The following HPS4 variants were observed in gnomAD, a reference collection of about 807,000 sequenced individuals.
HPS4 encodes HPS4 biogenesis of lysosomal organelles complex 3 subunit 2.
In HPS4, 44 loss-of-function variants were observed where a neutral mutation model predicts 70.3. The observed-to-expected ratio is 0.63, with a 90% CI of 0.49 to 0.80. The LOEUF is 0.80. HPS4 is among the 30% of genes least tolerant of loss of function. The probability of loss-of-function intolerance (pLI) is 0.00; values close to 1 mark genes in which losing one functional copy is unlikely to be tolerated. For synonymous variants in HPS4, 377 were observed against 355.9 expected, an observed-to-expected ratio of 1.06 and a Z score of -0.67; for missense variants, 873 against 884.4, an observed-to-expected ratio of 0.99 and a Z score of 0.16.
chr22:26,473,001 C>A, intron 4 of HPS4, 62 bp from the exon 5 acceptor site: 1 of 1,461,324 alleles, frequency 6.8e-7, no homozygotes, highest in Non-Finnish European at 9.6e-7. Flanking sequence ...AGCCCAGAAT[C>A]CTGGCATCCA....
chr22:26,455,617 G>GAT (rs1398430166), intron 13 of HPS4, among the ~76,000 whole-genome samples: 1 of 147,536 alleles, frequency 6.8e-6, no homozygotes, highest in African/African-American at 2.5e-5. Flanking sequence ...AGCATTAGGA[G>GAT]ATATACCTAA....
chr22:26,470,842 C>T, intron 6 of HPS4, 29 bp from the exon 7 acceptor site: 1 of 1,613,640 alleles, frequency 6.2e-7, no homozygotes, highest in Non-Finnish European at 8.5e-7. Flanking sequence ...ATCATGCCCA[C>T]CCATCAGCAT....
chr22:26,471,369 A>T lies in HPS4; in HGVS notation c.502-556T>A, dbSNP rs193179153. On this transcript the variant is annotated intron_variant, in intron 6 of 13. Coordinates refer to ENST00000398145, the MANE Select transcript of HPS4 (RefSeq NM_022081.6). ...CCTCAGTTCCACATTCCTTGTATGG[A>T]GTCAGGGGCCTAGAAGTCCCTAAAA... 4 of 456,248 alleles carry T rather than the reference A, an allele frequency of 8.8e-6. No homozygotes were observed. In the East Asian group the frequency reaches 2.1e-4, roughly 24 times the overall value. 28.3% of individuals were successfully genotyped at this position (456,248 alleles called of 1,614,324 possible). A position where few individuals can be genotyped will look rare whatever the true frequency, so the allele number is the denominator to read the frequency against.
intron 3 of HPS4, among the ~76,000 whole-genome samples, chr22:26,478,105 T>C (rs766532781): frequency 4.6e-5 from 7 of 152,198 alleles, no homozygotes; most frequent in Non-Finnish European, 8.8e-5. Context: ...CAGGTAATAT[T>C]AAGGAATTAC....
intron 5 of HPS4, 42 bp downstream of exon 5, chr22:26,472,790 T>C (rs912653154): frequency 7.0e-7 from 1 of 1,432,186 alleles, no homozygotes. Flanking sequence ...CCGGTTTTTA[T>C]AAAGAGGCCC....
intron 8 of HPS4, 66 bp from the exon 9 acceptor site, chr22:26,466,328 G>C (rs767449175): frequency 6.4e-7 from 1 of 1,567,738 alleles, no homozygotes; most frequent in Non-Finnish European, 8.8e-7. Flanking sequence ...TAACCATCAG[G>C]AATTTGCTGT....
chr22:26,466,035 A>G (rs1279405722), intron 9 of HPS4, 191 bp downstream of exon 9: 1 of 1,529,874 alleles, frequency 6.5e-7, no homozygotes, highest in East Asian at 2.5e-5. Context: ...CAGCATGCCT[A>G]AAATCATAGC....
chr22:26,480,265 A>G (rs1032958148), intron 2 of HPS4, among the ~76,000 whole-genome samples: 1 of 152,184 alleles, frequency 6.6e-6, no homozygotes, highest in Admixed American at 6.5e-5. Flanking sequence ...TCAATCTCCC[A>G]GGCTCAAGCC....
rs1484549067 is a variant in HPS4, at chr22:26,472,302, T to C, written c.501A>G (p.Lys167=). The C allele has an allele frequency of 1.9e-6, 3 of 1,558,264 alleles. No homozygotes were observed. The Admixed American group carries it at 5.0e-5, about 26-fold the overall frequency. The change falls in exon 6 of 14, where the codon AAA becomes AAG. Residue 167 remains lysine (K), a splice_region_variant and synonymous_variant. Coordinates refer to ENST00000398145, the MANE Select transcript of HPS4 (RefSeq NM_022081.6). ...FNSLWNLDQT[K]VEPLLLLKAA... Reference sequence around the variant, plus strand: ...TGAATAAGGAGGATGAAAATGTTACTTTAGTTTGGTCCAAGTTCCAGAGGG... The same window carrying C: ...TGAATAAGGAGGATGAAAATGTTACCTTAGTTTGGTCCAAGTTCCAGAGGG...
In HPS4 at chr22:26,464,121, G is replaced by A; in HGVS notation, c.1509C>T (p.Ala503=). Residue 503 remains alanine (A), a synonymous_variant, in exon 11 of 14, where the codon GCC becomes GCT. Transcript: ENST00000398145. ...DVDGVCESHA[A]PGLECSSGSA... Reference sequence around the variant, plus strand: ...AGCCTGAACTGCATTCCAGACCAGGGGCTGCGTGGCTTTCACAGACCCCAT... The same window carrying A: ...AGCCTGAACTGCATTCCAGACCAGGAGCTGCGTGGCTTTCACAGACCCCAT... 6.2e-7 allele frequency: 1 copy of A among 1,614,264 alleles called. No homozygotes were observed. Among genetic ancestry groups the A allele is most frequent in the Non-Finnish European group, 8.5e-7 (1 of 1,180,048 alleles).
chr22:26,464,142 C>G lies in HPS4; in HGVS notation c.1488G>C (p.Gly496=). The change falls in exon 11 of 14, where the codon GGG becomes GGC. Residue 496 remains glycine, a synonymous_variant. Coordinates refer to ENST00000398145, the MANE Select transcript of HPS4 (RefSeq NM_022081.6). The part of the protein sequence containing the change: ...GEQGLDEDVD[G]VCESHAAPGL... Reference sequence around the variant, plus strand: ...CAGGGGCTGCGTGGCTTTCACAGACCCCATCAACATCCTCATCCAGGCCTT... The same window carrying G: ...CAGGGGCTGCGTGGCTTTCACAGACGCCATCAACATCCTCATCCAGGCCTT... 6.2e-7 allele frequency: 1 copy of G among 1,614,246 alleles called. No homozygotes were observed. Among genetic ancestry groups the G allele is most frequent in the Non-Finnish European group, 8.5e-7 (1 of 1,180,050 alleles).
At position 26,482,162 on chromosome 22, in the gene HPS4, G is replaced by T; in HGVS notation, c.-400C>A. The T allele has an allele frequency of 3.8e-6, 1 of 262,924 alleles. No individual in the cohort carries two copies. 16.3% of individuals were successfully genotyped at this position (262,924 alleles called of 1,614,324 possible). On this transcript the variant is annotated 5_prime_UTR_variant, in exon 2 of 14. Transcript: ENST00000398145. ...AGCTGGTGTTCTAAAGAAATTTCTA[G>T]CTTGTCTAGTTCAAACCCATCCTGA...
At chr22:26,476,102 T>G (rs2146900586) in intron 4 of HPS4, 1 of 152,192 alleles carries the variant, frequency 6.6e-6, no homozygotes, top group Admixed American at 6.5e-5. Flanking sequence ...AATAGATAGG[T>G]AATAAAACAA....
At chr22:26,450,574 A>T (rs1180341183), downstream of HPS4, among the ~76,000 whole-genome samples, 2 of 152,104 alleles carry the variant, frequency 1.3e-5, no homozygotes, top group African/African-American at 4.8e-5. Flanking sequence ...TAGGAATCTG[A>T]TTGCCACTTG....
chr22:26,479,423 TC>T (rs751705530), intron 2 of HPS4, 68 bp from the exon 3 acceptor site: 4 of 1,586,086 alleles, frequency 2.5e-6, no homozygotes, highest in Non-Finnish European at 3.4e-6. Context: ...AAACACAGCT[TC>T]CTGTTTCCCA....
intron 13 of HPS4, among the ~76,000 whole-genome samples, chr22:26,457,060 T>TA (rs1346479390): frequency 3.3e-5 from 5 of 151,988 alleles, no homozygotes; most frequent in African/African-American, 1.2e-4. Context: ...GTGCAAAAAA[T>TA]AAAAACCAAA....
chr22:26,446,565 T>C (rs531099721), downstream of HPS4, among the ~76,000 whole-genome samples: 1 of 152,242 alleles, frequency 6.6e-6, no homozygotes, highest in Admixed American at 6.5e-5. Flanking sequence ...TCATTTCCGG[T>C]CATGATTCTA....
chr22:26,447,909 G>A (rs550699455), downstream of HPS4, among the ~76,000 whole-genome samples: 1 of 152,290 alleles, frequency 6.6e-6, no homozygotes, highest in East Asian at 1.9e-4. Context: ...TCGAGGTGAG[G>A]GCACCTGCTT....
intron 1 of HPS4, among the ~76,000 whole-genome samples, chr22:26,483,455 G>A (rs1245028035): frequency 1.3e-5 from 2 of 152,254 alleles, no homozygotes; most frequent in African/African-American, 4.8e-5. Context: ...CTGGAAAACG[G>A]ACGCTAATGG....
Sources: allele counts gnomAD v4.1 joint callset (sites outside exome capture counted in the v4.1 genomes callset), GRCh38; gene constraint gnomAD v4.1.1; transcripts MANE v1.5; gene names NCBI Gene and HGNC (gene_info 2026-07-23, HGNC 2026-07-21).